The following DNAH5 variants were observed in gnomAD, a reference collection of about 807,000 sequenced individuals.
DNAH5 encodes the protein dynein axonemal heavy chain 5.
A neutral mutation model predicts 518.2 loss-of-function variants in DNAH5; 372 were observed. That is an observed-to-expected ratio of 0.72 (90% CI 0.66 to 0.78). DNAH5 has a LOEUF of 0.78. DNAH5 is among the 30% of genes least tolerant of loss of function. The pLI is 0.00. For synonymous variants in DNAH5, 2,039 were observed against 2,025.9 expected (o/e 1.01, Z -0.17); for missense variants, 5,523 against 5,687.0 (o/e 0.97, Z 0.93).
chr5:13,969,556 T>C (rs1306258475), intron 1 of DNAH5, among the ~76,000 whole-genome samples: 2 of 152,210 alleles, frequency 1.3e-5, no homozygotes, highest in Non-Finnish European at 2.9e-5. Context: ...CTTGATTTTA[T>C]TGTTGACCCA....
intron 66 of DNAH5, among the ~76,000 whole-genome samples, chr5:13,736,547 AC>A (rs113729436): frequency 0.011 from 1,596 of 151,490 alleles, 37 homozygotes; most frequent in African/African-American, 0.037. Flanking sequence ...GGCGCCCACC[AC>A]CATGCCTGGC....
intron 30 of DNAH5, among the ~76,000 whole-genome samples, chr5:13,852,692 G>T (rs1767054733): frequency 6.6e-6 from 1 of 152,076 alleles, no homozygotes. Context: ...GGGGAGGGGG[G>T]TCCACCATTA....
chr5:13,919,388 C>T (rs140708127), intron 6 of DNAH5, 36 bp from the exon 7 acceptor site: 89 of 1,610,556 alleles, frequency 5.5e-5, no homozygotes, highest in Admixed American at 1.0e-4. Context: ...AGCCATTGCA[C>T]GGGGCTGGAG....
rs539710427 is a variant in DNAH5 at position 13,956,526 on chromosome 5, T to C, written c.13-25282A>G. ...TTTTATCTTTGTTAACTTGTTGCTATAGATAGTGAGTTATTTGAGGATATG... is the reference window on the plus strand; with the variant it reads ...TTTTATCTTTGTTAACTTGTTGCTACAGATAGTGAGTTATTTGAGGATATG... On this transcript the variant is annotated intron_variant, in intron 1 of 78. Coordinates refer to the DNAH5 transcript ENST00000681290. Among the ~76,000 whole-genome samples the C allele has an allele frequency of 6.6e-5, 10 of 152,342 alleles. No homozygotes were observed. The South Asian group carries it at 1.9e-3, about 28-fold the overall frequency.
chr5:13,923,733 C>G (rs1777548919), intron 3 of DNAH5, among the ~76,000 whole-genome samples: 1 of 152,094 alleles, frequency 6.6e-6, no homozygotes, highest in Non-Finnish European at 1.5e-5. Context: ...TGCTAGGTAC[C>G]CTGTGTACAT....
chr5:13,973,475 T>C (rs1471334775), intron 1 of DNAH5, among the ~76,000 whole-genome samples: 1 of 152,140 alleles, frequency 6.6e-6, no homozygotes, highest in Non-Finnish European at 1.5e-5. Context: ...ATGAGATGGG[T>C]GTGTTCAGGG....
At chr5:13,693,983 C>T (rs540245148) in intron 78 of DNAH5, among the ~76,000 whole-genome samples, 1 of 152,286 alleles carries the variant, frequency 6.6e-6, no homozygotes, top group African/African-American at 2.4e-5. Flanking sequence ...ACGGTTAACG[C>T]TAACTATACT....
chr5:13,959,284 G>A (rs1025982319), intron 1 of DNAH5, among the ~76,000 whole-genome samples: 1 of 152,288 alleles, frequency 6.6e-6, no homozygotes, highest in Non-Finnish European at 1.5e-5. Context: ...TTGAGTCCTC[G>A]CAGAACTCCA....
At chr5:13,939,017 C>T (rs565975656) in intron 1 of DNAH5, among the ~76,000 whole-genome samples, 5 of 152,272 alleles carry the variant, frequency 3.3e-5, no homozygotes, top group African/African-American at 1.2e-4. Flanking sequence ...TTTAGTTCTC[C>T]TATCTGCCAC....
Position 13,992,318 on chromosome 5 carries a change from A to G in DNAH5, c.12+19330T>C, listed in dbSNP as rs574770593. ...CCAACAAAAAAACCACCATCGCCCC[A>G]GATCACTCACAAAATCCCACAAATC... is the stretch of plus-strand genomic sequence containing the variant. On this transcript the variant is annotated intron_variant, in intron 1 of 78. Coordinates refer to the DNAH5 transcript ENST00000681290. Among the ~76,000 whole-genome samples the G allele has an allele frequency of 9.8e-5, 15 of 152,334 alleles. No homozygotes were observed. In the East Asian group the frequency reaches 2.9e-3, roughly 29 times the overall value.
At chr5:13,693,446 T>C (rs894763734) in intron 78 of DNAH5, among the ~76,000 whole-genome samples, 7 of 152,250 alleles carry the variant, frequency 4.6e-5, no homozygotes, top group South Asian at 2.1e-4. Context: ...ATATCCACTA[T>C]AAATTTAATT....
intron 1 of DNAH5, among the ~76,000 whole-genome samples, chr5:14,001,454 C>T (rs1784346462): frequency 6.6e-6 from 1 of 151,514 alleles, no homozygotes; most frequent in African/African-American, 2.4e-5. Flanking sequence ...AACTCCGCCT[C>T]CTGGGTTCAT....
intron 12 of DNAH5, among the ~76,000 whole-genome samples, chr5:13,906,155 CTT>C (rs1775260822): frequency 6.6e-6 from 1 of 152,212 alleles, no homozygotes; most frequent in African/African-American, 2.4e-5. Flanking sequence ...TAGGAAAACA[CTT>C]TGCCTGATAT....
intron 34 of DNAH5, among the ~76,000 whole-genome samples, 171 bp from the exon 35 acceptor site, chr5:13,839,699 T>C (rs1764904572): frequency 6.6e-6 from 1 of 152,148 alleles, no homozygotes; most frequent in Non-Finnish European, 1.5e-5. Context: ...TATTGATCAG[T>C]AAAAAAGAAA....
chr5:13,857,516 A>C (rs1445685922), intron 30 of DNAH5, among the ~76,000 whole-genome samples: 1 of 152,230 alleles, frequency 6.6e-6, no homozygotes, highest in Non-Finnish European at 1.5e-5. Flanking sequence ...AAACTACTTT[A>C]AATTTCATAT....
intron 1 of DNAH5, among the ~76,000 whole-genome samples, chr5:14,006,605 C>T (rs1434400746): frequency 1.3e-5 from 2 of 152,216 alleles, no homozygotes; most frequent in Non-Finnish European, 2.9e-5. Flanking sequence ...TTGACCTTAA[C>T]TACCTCTTTA....
Position 14,000,939 on chromosome 5 carries a change from C to A in DNAH5, c.12+10709G>T, listed in dbSNP as rs1158015013. 1.3e-5 allele frequency among the ~76,000 whole-genome samples: 2 copies of A among 152,154 alleles called. 1 individual carries two copies. The highest frequency in any genetic ancestry group is 2.9e-5 in the Non-Finnish European group (2 of 68,028). ...ATGGATAAAGAAAATATGGTGCATA[C>A]ACTCCATGGAATACTACATAGCCAT... On this transcript the variant is annotated intron_variant, in intron 1 of 78. Transcript: ENST00000681290.
intron 59 of DNAH5, among the ~76,000 whole-genome samples, 194 bp downstream of exon 59, chr5:13,765,782 A>G (rs1347708318): frequency 6.6e-6 from 1 of 152,208 alleles, no homozygotes; most frequent in Non-Finnish European, 1.5e-5. Context: ...AACACTGATG[A>G]TGCTTTAATA....
intron 68 of DNAH5, among the ~76,000 whole-genome samples, chr5:13,733,636 G>C (rs1746925477): frequency 1.3e-5 from 2 of 152,150 alleles, no homozygotes; most frequent in Non-Finnish European, 1.5e-5. Context: ...GAGAGAGATT[G>C]TCTATAATTT....
Sources: gnomAD v4.1 joint callset for allele counts (sites outside exome capture counted in the v4.1 genomes callset) on GRCh38, gnomAD v4.1.1 for gene constraint, MANE v1.5 for transcripts, NCBI Gene and HGNC (gene_info 2026-07-23, HGNC 2026-07-21) for gene names.